RNF145: variants seen among roughly 807,000 people sequenced by gnomAD.
RNF145 encodes ring finger protein 145.
In RNF145, 12 loss-of-function variants were observed where a neutral mutation model predicts 57.3. The observed-to-expected ratio is 0.21, with a 90% CI of 0.13 to 0.34. The LOEUF is 0.34. Among genes scored for constraint, RNF145 ranks in the 10% least tolerant of loss-of-function variants. RNF145 has a pLI of 1.00. For synonymous variants in RNF145, 262 were observed against 288.3 expected, an observed-to-expected ratio of 0.91 and a Z score of 0.92; for missense variants, 429 against 799.0, an observed-to-expected ratio of 0.54 and a Z score of 5.58.
chr5:159,196,359 A>G (rs1202091038), intron 2 of RNF145, among the ~76,000 whole-genome samples: 1 of 151,940 alleles, frequency 6.6e-6, no homozygotes, highest in East Asian at 1.9e-4. Context: ...ACCCTGATAT[A>G]CTTAATTACC....
chr5:159,192,367 T>C (rs1453106985), intron 3 of RNF145, among the ~76,000 whole-genome samples: 3 of 151,972 alleles, frequency 2.0e-5, no homozygotes, highest in Admixed American at 6.5e-5. Context: ...CAAATGCAAA[T>C]GGAAATGGAA....
At chr5:159,192,047 T>C (rs1475134039) in intron 3 of RNF145, among the ~76,000 whole-genome samples, 1 of 150,410 alleles carries the variant, frequency 6.6e-6, no homozygotes, top group African/African-American at 2.4e-5. Flanking sequence ...ATCGAAAATA[T>C]TCAGAAAAAA....
rs758642199 is a variant in RNF145, at chr5:159,203,644, T to C, written c.-27A>G. 1.9e-6 allele frequency: 3 copies of C among 1,589,310 alleles called. No homozygotes were observed. Among genetic ancestry groups the C allele is most frequent in the Non-Finnish European group, 2.6e-6 (3 of 1,172,148 alleles). On this transcript the variant is annotated 5_prime_UTR_variant, in exon 2 of 11. Transcript: ENST00000424310. Reference sequence around the variant, plus strand: ...TTGTTTTTTTTTTTCTTTTTTTTTTTCTTGGAGAAGACCTAAAATTCAGAA... The same window carrying C: ...TTGTTTTTTTTTTTCTTTTTTTTTTCCTTGGAGAAGACCTAAAATTCAGAA...
At chr5:159,186,448 A>G (rs1340458973) in intron 3 of RNF145, among the ~76,000 whole-genome samples, 3 of 152,210 alleles carry the variant, frequency 2.0e-5, no homozygotes, top group Non-Finnish European at 4.4e-5. Flanking sequence ...CATTCTGGCT[A>G]TTTACTTAAA....
chr5:159,189,331 C>T lies in RNF145; in HGVS notation c.293+5385G>A, dbSNP rs573264522. ...TAAACATTTTTCCAATATTTACACA[C>T]GGTCAATGAACACATGTAAAGATGT... On this transcript the variant is annotated intron_variant, in intron 3 of 10. Transcript: ENST00000424310. Among the ~76,000 whole-genome samples the T allele has an allele frequency of 2.0e-3, 311 of 152,168 alleles. 3 individuals carry two copies. Among genetic ancestry groups the T allele is most frequent in the Non-Finnish European group, 3.6e-3 (245 of 68,044 alleles).
At chr5:159,203,357 A>G in intron 2 of RNF145, 77 bp downstream of exon 2, 1 of 984,818 alleles carries the variant, frequency 1.0e-6, no homozygotes, top group Non-Finnish European at 1.6e-6. Context: ...ACTTCATTTT[A>G]CCCAAATTCA....
chr5:159,159,992 A>G (rs1784160645), intron 10 of RNF145, among the ~76,000 whole-genome samples: 2 of 152,276 alleles, frequency 1.3e-5, no homozygotes, highest in Non-Finnish European at 2.9e-5. Context: ...AAGCAGTTTT[A>G]CTCTCATTTT....
At chr5:159,208,257 G>A in intron 1 of RNF145, 1 of 788,998 alleles carries the variant, frequency 1.3e-6, no homozygotes, top group Non-Finnish European at 1.7e-6. Flanking sequence ...AAGAGATTAC[G>A]TTCAGCAAAA....
chr5:159,208,187 G>T (rs1422818758), intron 1 of RNF145: 3 of 1,353,322 alleles, frequency 2.2e-6, no homozygotes, highest in African/African-American at 2.9e-5. Context: ...CCCAGCTCGC[G>T]GCAAGCAGGC....
At chr5:159,171,447 C>G (rs1784553361) in intron 6 of RNF145, among the ~76,000 whole-genome samples, 1 of 152,020 alleles carries the variant, frequency 6.6e-6, no homozygotes, top group South Asian at 2.1e-4. Context: ...AAACAGAGCA[C>G]TTTCCTTTTC....
chr5:159,207,434 C>G lies in RNF145; in HGVS notation c.-40+1797G>C, dbSNP rs148929850. On this transcript the variant is annotated intron_variant, in intron 1 of 10. Transcript: ENST00000424310. ...AAAACTATTCAGTACAATACTTCTA[C>G]ACCTTCCCCCTAAAAAAGAAAAACA... The G allele has an allele frequency of 3.1e-4, 387 of 1,268,206 alleles. No homozygotes were observed. The African/African-American group carries it at 5.0e-3, about 16-fold the overall frequency. 78.6% of individuals were successfully genotyped at this position (1,268,206 alleles called of 1,614,324 possible). A position where few individuals can be genotyped will look rare whatever the true frequency, so the allele number is the denominator to read the frequency against.
intron 2 of RNF145, among the ~76,000 whole-genome samples, chr5:159,196,603 C>T (rs536902527): frequency 6.6e-6 from 1 of 152,244 alleles, no homozygotes; most frequent in African/African-American, 2.4e-5. Flanking sequence ...ATGCTTGGGA[C>T]TAAAGAAACA....
intron 10 of RNF145, 55 bp from the exon 11 acceptor site, chr5:159,159,090 G>A: frequency 6.6e-7 from 1 of 1,506,676 alleles, no homozygotes; most frequent in South Asian, 1.3e-5. Flanking sequence ...AGTATCTTTG[G>A]TGCTATCCCC....
intron 3 of RNF145, among the ~76,000 whole-genome samples, chr5:159,183,964 A>T (rs1784978750): frequency 6.6e-6 from 1 of 152,208 alleles, no homozygotes; most frequent in Admixed American, 6.5e-5. Flanking sequence ...TCACTTTAAA[A>T]TGATTAATTT....
rs889444053 is a variant in RNF145, at chr5:159,169,829, A to G, written c.798-10T>C. The G allele has an allele frequency of 1.9e-6, 3 of 1,589,706 alleles. No individual in the cohort carries two copies. Among genetic ancestry groups the G allele is most frequent in the Admixed American group, 3.7e-5 (2 of 53,620 alleles). On this transcript the variant is annotated splice_polypyrimidine_tract_variant and intron_variant, in intron 6 of 10. Transcript: ENST00000424310. ...GCAGCATTCCGCAATACTGGAAAAA[A>G]AGAGGGGGAAATTAACAGACATAAA...
rs148151710 is a variant in RNF145, at chr5:159,199,539, C to T, written c.184+3895G>A. Among the ~76,000 whole-genome samples, 1,119 of 152,196 alleles carry T rather than the reference C, an allele frequency of 7.4e-3. 3 individuals are homozygous for T. The highest frequency in any genetic ancestry group is 0.012 in the Non-Finnish European group (794 of 67,990). Reference sequence around the variant, plus strand: ...GTGATGGTAGTTTCAAAAGGATTTTCGCATCCATTTCTTCCTTTCTAATTT... The same window carrying T: ...GTGATGGTAGTTTCAAAAGGATTTTTGCATCCATTTCTTCCTTTCTAATTT... On this transcript the variant is annotated intron_variant, in intron 2 of 10. Coordinates refer to ENST00000424310, the MANE Select transcript of RNF145 (RefSeq NM_001199383.2).
At chr5:159,180,803 A>G (rs1433926506) in intron 4 of RNF145, among the ~76,000 whole-genome samples, 1 of 152,152 alleles carries the variant, frequency 6.6e-6, no homozygotes. Flanking sequence ...TTACACATAC[A>G]GCACACCTTA....
At chr5:159,201,079 C>A (rs997150687) in intron 2 of RNF145, among the ~76,000 whole-genome samples, 2 of 152,056 alleles carry the variant, frequency 1.3e-5, no homozygotes, top group Admixed American at 1.3e-4. Flanking sequence ...ATAAGTTAAC[C>A]CTTGAACAAC....
chr5:159,198,688 A>G (rs569376726), intron 2 of RNF145, among the ~76,000 whole-genome samples: 3 of 152,340 alleles, frequency 2.0e-5, no homozygotes, highest in African/African-American at 7.2e-5. Context: ...AAATGTCCAT[A>G]GGCTATTTAG....
Sources: allele counts gnomAD v4.1 joint callset (sites outside exome capture counted in the v4.1 genomes callset), GRCh38; gene constraint gnomAD v4.1.1; transcripts MANE v1.5; gene names NCBI Gene and HGNC (gene_info 2026-07-23, HGNC 2026-07-21).